The following IQCM variants were observed in gnomAD, a reference collection of about 807,000 sequenced individuals.
IQCM encodes IQ motif containing M.
In IQCM, 45 loss-of-function variants were observed where a neutral mutation model predicts 57.6. The ratio of observed to expected loss-of-function variants is 0.78; its 90% confidence interval spans 0.62 to 1.00. The LOEUF is 1.00. IQCM is among the 50% of genes least tolerant of loss of function. The pLI is 0.00. For synonymous variants in IQCM, 148 were observed against 158.9 expected (o/e 0.93, Z 0.51); for missense variants, 468 against 511.6 (o/e 0.91, Z 0.82).
At chr4:149,646,638 C>T (rs1377638711) in intron 7 of IQCM, among the ~76,000 whole-genome samples, 1 of 152,138 alleles carries the variant, frequency 6.6e-6, no homozygotes, top group Non-Finnish European at 1.5e-5. Flanking sequence ...TTTCCATACG[C>T]TGAAGTTCTT....
rs189408467 is a variant in IQCM, at chr4:149,487,864, C to T, written c.1229-54307G>A. 4.7e-3 allele frequency among the ~76,000 whole-genome samples: 721 copies of T among 152,150 alleles called. 26 individuals carry two copies. Among genetic ancestry groups the T allele is most frequent in the Non-Finnish European group, 1.3e-3 (88 of 67,984 alleles). On this transcript the variant is annotated intron_variant, in intron 12 of 13. Transcript: ENST00000636793. ...GACTCTCTCTCTCTCCTGCCCAGCT[C>T]AGTGCTTTTTTTAGTGATATGAAAT...
intron 2 of IQCM, among the ~76,000 whole-genome samples, chr4:149,767,068 A>G (rs1475540661): frequency 2.0e-5 from 3 of 152,076 alleles, no homozygotes; most frequent in Non-Finnish European, 4.4e-5. Context: ...AAAAAGTACA[A>G]ATGAAATTGT....
At chr4:149,676,132 G>A (rs1761730297) in intron 7 of IQCM, among the ~76,000 whole-genome samples, 1 of 152,046 alleles carries the variant, frequency 6.6e-6, no homozygotes, top group Non-Finnish European at 1.5e-5. Flanking sequence ...ATCAATTTAA[G>A]AGTGACCTAC....
chr4:149,726,071 A>AAAAGAAGG (rs1765868648), intron 5 of IQCM, among the ~76,000 whole-genome samples: 1 of 94,748 alleles, frequency 1.1e-5, no homozygotes, highest in Non-Finnish European at 2.0e-5. Flanking sequence ...TCTTCCCTCT[A>AAAAGAAGG]AAAGAAAGAA....
At chr4:149,676,038 T>A (rs1354075126) in intron 7 of IQCM, among the ~76,000 whole-genome samples, 1 of 152,064 alleles carries the variant, frequency 6.6e-6, no homozygotes, top group Non-Finnish European at 1.5e-5. Context: ...GTGTTTCTCT[T>A]AACAAAAGAG....
At chr4:149,753,839 G>T (rs1363973242) in intron 2 of IQCM, among the ~76,000 whole-genome samples, 1 of 148,350 alleles carries the variant, frequency 6.7e-6, no homozygotes, top group Non-Finnish European at 1.5e-5. Flanking sequence ...GTGGGAAATG[G>T]AGGAAAAACA....
chr4:149,759,774 GTTAA>G (rs1769325834), intron 2 of IQCM, among the ~76,000 whole-genome samples: 1 of 151,970 alleles, frequency 6.6e-6, no homozygotes, highest in South Asian at 2.1e-4. Flanking sequence ...CAAGAAATAA[GTTAA>G]TTGTCTTAAA....
intron 12 of IQCM, among the ~76,000 whole-genome samples, chr4:149,529,512 C>T (rs552219113): frequency 6.6e-6 from 1 of 152,160 alleles, no homozygotes; most frequent in Non-Finnish European, 1.5e-5. Flanking sequence ...TTGGCATTGA[C>T]CAACAGTGTT....
rs149190851 is a variant in IQCM, at chr4:149,384,838, G to A, written c.1391-32772C>T. 6.6e-5 allele frequency among the ~76,000 whole-genome samples: 10 copies of A among 151,282 alleles called. No individual in the cohort carries two copies. In the East Asian group the frequency reaches 1.9e-3, roughly 29 times the overall value. ...TTTTTCCTCTCTTTTGACATCTCAT[G>A]ACACACTTGATTATTTGCCACTTGG... is the stretch of plus-strand genomic sequence containing the variant. On this transcript the variant is annotated intron_variant, in intron 13 of 13. Coordinates refer to ENST00000636793, the MANE Select transcript of IQCM (RefSeq NM_001363507.2).
At chr4:149,633,472 G>A (rs949590561) in intron 7 of IQCM, among the ~76,000 whole-genome samples, 1 of 152,106 alleles carries the variant, frequency 6.6e-6, no homozygotes, top group Non-Finnish European at 1.5e-5. Flanking sequence ...TAGCCACATG[G>A]ATTCTGTTTC....
intron 2 of IQCM, among the ~76,000 whole-genome samples, chr4:149,792,992 G>T (rs1189554925): frequency 6.6e-6 from 1 of 152,218 alleles, no homozygotes; most frequent in Non-Finnish European, 1.5e-5. Flanking sequence ...TACATAAATT[G>T]TCTATATCCT....
intron 12 of IQCM, among the ~76,000 whole-genome samples, chr4:149,499,857 A>C (rs1435493300): frequency 6.6e-6 from 1 of 152,198 alleles, no homozygotes; most frequent in African/African-American, 2.4e-5. Context: ...TATAATTTTT[A>C]TTCCAATATT....
chr4:149,602,189 A>C (rs1754376815), intron 8 of IQCM, among the ~76,000 whole-genome samples: 1 of 152,190 alleles, frequency 6.6e-6, no homozygotes, highest in Non-Finnish European at 1.5e-5. Flanking sequence ...TAAGCTAGAG[A>C]TGATGTAAAG....
At chr4:149,718,564 T>C (rs752105402) in intron 5 of IQCM, among the ~76,000 whole-genome samples, 5 of 152,244 alleles carry the variant, frequency 3.3e-5, no homozygotes, top group Non-Finnish European at 7.3e-5. Flanking sequence ...TTCAGAAGTA[T>C]ACTGTATTAG....
At chr4:149,454,934 A>C (rs1183600377) in intron 12 of IQCM, among the ~76,000 whole-genome samples, 1 of 151,972 alleles carries the variant, frequency 6.6e-6, no homozygotes, top group Admixed American at 6.6e-5. Context: ...ATGTTCTAAC[A>C]TTAGGTTATG....
intron 12 of IQCM, among the ~76,000 whole-genome samples, chr4:149,546,288 G>A (rs1748418259): frequency 6.6e-6 from 1 of 152,258 alleles, no homozygotes; most frequent in African/African-American, 2.4e-5. Context: ...ACATGTGCAT[G>A]TGTCTTTATA....
At chr4:149,810,379 A>C (rs1270802534) in intron 2 of IQCM, among the ~76,000 whole-genome samples, 1 of 148,190 alleles carries the variant, frequency 6.7e-6, no homozygotes, top group Non-Finnish European at 1.5e-5. Flanking sequence ...AAAAAAAAAA[A>C]AGAAAAGTTG....
intron 9 of IQCM, among the ~76,000 whole-genome samples, chr4:149,566,841 A>T (rs1162582601): frequency 6.6e-6 from 1 of 152,202 alleles, no homozygotes; most frequent in Admixed American, 6.5e-5. Flanking sequence ...AGAAGTCTTG[A>T]TGGAAAACAA....
At chr4:149,691,359 G>A (rs1762925925) in intron 5 of IQCM, among the ~76,000 whole-genome samples, 1 of 152,222 alleles carries the variant, frequency 6.6e-6, no homozygotes, top group Admixed American at 6.5e-5. Flanking sequence ...TTTGTTTACT[G>A]TACTTATTTA....
Sources: allele counts gnomAD v4.1 joint callset (sites outside exome capture counted in the v4.1 genomes callset), GRCh38; gene constraint gnomAD v4.1.1; transcripts MANE v1.5; gene names NCBI Gene and HGNC (gene_info 2026-07-23, HGNC 2026-07-21).